GSAP: variants seen among roughly 807,000 people sequenced by gnomAD.
The protein encoded by GSAP is gamma-secretase-activating protein.
In GSAP, 118 loss-of-function variants were observed where a neutral mutation model predicts 131.7. The observed-to-expected ratio is 0.90, with a 90% CI of 0.77 to 1.04. The LOEUF is 1.04. Among genes scored for constraint, GSAP ranks in the 50% least tolerant of loss-of-function variants. The pLI, the probability that GSAP is intolerant of heterozygous loss-of-function variation, is 0.00. For synonymous variants in GSAP, 381 were observed against 363.4 expected (o/e 1.05, Z -0.55); for missense variants, 1,019 against 1,013.2 (o/e 1.01, Z -0.08).
intron 3 of GSAP, among the ~76,000 whole-genome samples, chr7:77,399,958 G>A (rs941951535): frequency 6.6e-6 from 1 of 151,868 alleles, no homozygotes. Flanking sequence ...TGATGGGAGC[G>A]GACAAAAACA....
At chr7:77,391,768 G>A (rs1289375971) in intron 5 of GSAP, among the ~76,000 whole-genome samples, 2 of 152,266 alleles carry the variant, frequency 1.3e-5, no homozygotes, top group East Asian at 1.9e-4. Flanking sequence ...CAGGGAGGTC[G>A]AGGCTATAGT....
At chr7:77,353,779 C>T in intron 16 of GSAP, 138 bp from the exon 17 acceptor site, 1 of 579,748 alleles carries the variant, frequency 1.7e-6, no homozygotes, top group Non-Finnish European at 3.0e-6. Context: ...CACTTCTATA[C>T]TATCTTCAAG....
At chr7:77,339,887 A>G (rs1158820292) in intron 19 of GSAP, among the ~76,000 whole-genome samples, 1 of 152,232 alleles carries the variant, frequency 6.6e-6, no homozygotes, top group East Asian at 1.9e-4. Flanking sequence ...TGATAAGGGT[A>G]TAGTAAAACG....
At chr7:77,371,601 A>AT (rs965270088) in intron 12 of GSAP, among the ~76,000 whole-genome samples, 6 of 151,608 alleles carry the variant, frequency 4.0e-5, no homozygotes, top group African/African-American at 1.2e-4. Context: ...CACCCAGCTA[A>AT]TTTTTTTGTA....
intron 28 of GSAP, among the ~76,000 whole-genome samples, chr7:77,312,777 C>T (rs921824966): frequency 6.6e-6 from 1 of 152,188 alleles, no homozygotes; most frequent in Non-Finnish European, 1.5e-5. Flanking sequence ...GACAGCCGTT[C>T]GTGAGAGGAC....
At chr7:77,413,091 C>CT (rs1803581330) in intron 1 of GSAP, among the ~76,000 whole-genome samples, 1 of 152,190 alleles carries the variant, frequency 6.6e-6, no homozygotes, top group Admixed American at 6.5e-5. Flanking sequence ...AGGATGCACT[C>CT]TGAGACAGAG....
At chr7:77,383,932 C>T (rs1798156706) in intron 6 of GSAP, among the ~76,000 whole-genome samples, 1 of 152,214 alleles carries the variant, frequency 6.6e-6, no homozygotes, top group African/African-American at 2.4e-5. Flanking sequence ...AATTTTGGAA[C>T]ATTTATAGTT....
In GSAP at chr7:77,311,461, TGGGGAGA is replaced by T. The variant is rs1231887890; in HGVS notation, c.2474-19_2474-13del. 1.3e-6 allele frequency: 2 copies of T among 1,505,966 alleles called. No individual in the cohort carries two copies. Among genetic ancestry groups the T allele is most frequent in the Non-Finnish European group, 1.8e-6 (2 of 1,082,886 alleles). The allele number at this position is 1,505,966 out of a possible 1,614,324, so 93.3% of individuals were successfully genotyped here. On this transcript the variant is annotated splice_polypyrimidine_tract_variant and intron_variant, in intron 30 of 30. Coordinates refer to ENST00000257626, the MANE Select transcript of GSAP (RefSeq NM_017439.4). ...AAAAGGATACAGGGCTGGAAAAAAA[TGGGGAGA>T]GGGCAGGGAAAAAGGGTTACCATGG...
intron 8 of GSAP, among the ~76,000 whole-genome samples, chr7:77,378,967 G>A (rs778429511): frequency 2.1e-4 from 32 of 152,240 alleles, no homozygotes; most frequent in Admixed American, 3.9e-4. Flanking sequence ...TTTCTCCACC[G>A]ATGGTAACTT....
rs764240831 is a variant in GSAP, at chr7:77,323,674, C to G, written c.1896G>C (p.Gln632His). The change falls in exon 24 of 31, where the codon CAG (glutamine) becomes CAC (histidine). Residue 632 changes from glutamine to histidine, a missense_variant. Physicochemically the swap from Gln to His is conservative, Grantham distance 24. Transcript: ENST00000257626. ...GTTTTGAAATGTAGTCCAGAACCATCTGTTCAATTTTCTTCTTTTCTACAC... is the reference window on the plus strand; with the variant it reads ...GTTTTGAAATGTAGTCCAGAACCATGTGTTCAATTTTCTTCTTTTCTACAC... Reference protein sequence around the residue: ...LQGVEKKKIEQMVLDYISKLL... With the variant: ...LQGVEKKKIEHMVLDYISKLL... The G allele has an allele frequency of 1.2e-6, 2 of 1,603,310 alleles. No homozygotes were observed. Among genetic ancestry groups the G allele is most frequent in the South Asian group, 2.2e-5 (2 of 90,496 alleles).
chr7:77,365,347 G>A lies in GSAP; in HGVS notation c.872-2687C>T, dbSNP rs1181544722. 2.6e-5 allele frequency among the ~76,000 whole-genome samples: 4 copies of A among 151,954 alleles called. No homozygotes were observed. In the East Asian group the frequency reaches 7.7e-4, roughly 29 times the overall value. The stretch of plus-strand genomic sequence containing the variant: ...TTTCATCACCCAGCTATTAAGCCTG[G>A]TACTCAATAGTTACTTTTTCTGCTC... On this transcript the variant is annotated intron_variant, in intron 12 of 30. Transcript: ENST00000257626.
rs768406005 is a variant in GSAP, at chr7:77,314,398, A to G, written c.2181T>C (p.Thr727=). 1.3e-4 allele frequency: 215 copies of G among 1,613,676 alleles called. No homozygotes were observed. In the Middle Eastern group the frequency reaches 2.5e-3, roughly 19 times the overall value. ...HCIDSGVLLL[T]ETAVIRLMKD... is the part of the protein sequence containing the mutation. ...TCATGAGCCTTATGACAGCTGTTTC[A>G]GTGAGAAGCAACACTCCACTGTCAA... The change falls in exon 27 of 31, where the codon ACT becomes ACC. Residue 727 remains threonine, a synonymous_variant. Transcript: ENST00000257626.
intron 1 of GSAP, among the ~76,000 whole-genome samples, chr7:77,411,708 G>A: frequency 6.6e-6 from 1 of 152,102 alleles, no homozygotes; most frequent in East Asian, 1.9e-4. Flanking sequence ...ATCTATAGAG[G>A]CAATACAACT....
chr7:77,393,850 T>C (rs1799956592), intron 5 of GSAP, among the ~76,000 whole-genome samples: 1 of 151,898 alleles, frequency 6.6e-6, no homozygotes, highest in African/African-American at 2.4e-5. Context: ...ATTTTTCTAT[T>C]TTTAGTAAAG....
intron 19 of GSAP, among the ~76,000 whole-genome samples, chr7:77,347,288 A>C (rs1395072698): frequency 1.3e-5 from 2 of 152,142 alleles, no homozygotes; most frequent in Non-Finnish European, 2.9e-5. Context: ...ACCCCAACTT[A>C]AAGACAGTTG....
chr7:77,337,855 T>TA (rs1287191499), intron 19 of GSAP, among the ~76,000 whole-genome samples: 2 of 152,104 alleles, frequency 1.3e-5, no homozygotes, highest in Non-Finnish European at 2.9e-5. Context: ...TTTCTTCTCA[T>TA]AAAATCAAGG....
chr7:77,380,324 T>A (rs567387569), intron 8 of GSAP, among the ~76,000 whole-genome samples: 1 of 152,308 alleles, frequency 6.6e-6, no homozygotes, highest in East Asian at 1.9e-4. Flanking sequence ...TGTTAGAAGT[T>A]TTTTTGGAAA....
At chr7:77,349,758 G>A (rs1454462065) in intron 18 of GSAP, among the ~76,000 whole-genome samples, 1 of 152,148 alleles carries the variant, frequency 6.6e-6, no homozygotes, top group Non-Finnish European at 1.5e-5. Context: ...AAGGGGAAAT[G>A]TTTCATTATC....
At chr7:77,364,683 A>G (rs758172228) in intron 12 of GSAP, among the ~76,000 whole-genome samples, 1 of 152,160 alleles carries the variant, frequency 6.6e-6, no homozygotes, top group Non-Finnish European at 1.5e-5. Flanking sequence ...AATAAAATAA[A>G]ATGAGATGTA....
Sources: gnomAD v4.1 joint callset for allele counts (sites outside exome capture counted in the v4.1 genomes callset) on GRCh38, gnomAD v4.1.1 for gene constraint, MANE v1.5 for transcripts, NCBI Gene and HGNC (gene_info 2026-07-23, HGNC 2026-07-21) for gene names.